PHACTR1: variants seen among roughly 807,000 people sequenced by gnomAD.
PHACTR1 encodes phosphatase and actin regulator 1, also known as RPEL repeat containing 1.
In PHACTR1, 16 loss-of-function variants were observed where a neutral mutation model predicts 69.2. That is an observed-to-expected ratio of 0.23 (90% confidence interval 0.16 to 0.35). The LOEUF is 0.35. Among genes scored for constraint, PHACTR1 ranks in the 10% least tolerant of loss-of-function variants. The pLI is 1.00. For missense variants in PHACTR1, 510 were observed against 734.7 expected (o/e 0.69, Z 3.54); for synonymous variants, 312 against 284.5 (o/e 1.10, Z -0.97).
At chr6:13,129,372 T>TA (rs1316168210) in intron 5 of PHACTR1, among the ~76,000 whole-genome samples, 14 of 152,012 alleles carry the variant, frequency 9.2e-5, no homozygotes, top group Admixed American at 3.9e-4. Flanking sequence ...GCAGAATGAA[T>TA]AAAAAAATCC....
At chr6:13,112,891 G>A (rs1817260801) in intron 5 of PHACTR1, among the ~76,000 whole-genome samples, 1 of 152,068 alleles carries the variant, frequency 6.6e-6, no homozygotes, top group Admixed American at 6.5e-5. Flanking sequence ...GATCCCATTT[G>A]TCAGTTTTTA....
At chr6:12,789,590 C>T (rs1390614816) in intron 4 of PHACTR1, among the ~76,000 whole-genome samples, 1 of 152,090 alleles carries the variant, frequency 6.6e-6, no homozygotes, top group Non-Finnish European at 1.5e-5. Context: ...TTGACATCCT[C>T]ACTCAAATGG....
intron 5 of PHACTR1, among the ~76,000 whole-genome samples, chr6:13,120,854 G>C (rs984558413): frequency 2.0e-5 from 3 of 152,214 alleles, no homozygotes; most frequent in Admixed American, 6.5e-5. Flanking sequence ...CTTTTACCCA[G>C]CATTGCAGTG....
At chr6:13,270,147 T>C (rs4605869) in intron 10 of PHACTR1, among the ~76,000 whole-genome samples, 64,969 of 152,126 alleles carry the variant, frequency 0.43, 16,920 homozygotes, top group Non-Finnish European at 0.6. Context: ...TGTGTTCAAA[T>C]AATTTGCTAA....
chr6:13,273,543 G>A (rs1224504518), intron 11 of PHACTR1: 2 of 152,078 alleles, frequency 1.3e-5, no homozygotes, highest in Non-Finnish European at 2.9e-5. Flanking sequence ...CCCTTGTTTG[G>A]TTTAGGACAC....
chr6:12,811,993 T>C (rs938122943), intron 4 of PHACTR1, among the ~76,000 whole-genome samples: 1 of 152,170 alleles, frequency 6.6e-6, no homozygotes, highest in African/African-American at 2.4e-5. Flanking sequence ...CTTTTTTTTT[T>C]TTATGAGGCA....
chr6:13,023,402 T>C (rs938965941), intron 4 of PHACTR1, among the ~76,000 whole-genome samples: 1 of 152,240 alleles, frequency 6.6e-6, no homozygotes, highest in African/African-American at 2.4e-5. Flanking sequence ...ATGTGAACTT[T>C]AGAACAATTG....
At chr6:12,797,963 C>T (rs539875746) in intron 4 of PHACTR1, among the ~76,000 whole-genome samples, 2 of 151,516 alleles carry the variant, frequency 1.3e-5, no homozygotes, top group African/African-American at 2.4e-5. Context: ...TGATACCTAC[C>T]GCTATTTAAC....
chr6:12,844,138 T>C (rs973304880), intron 4 of PHACTR1, among the ~76,000 whole-genome samples: 2 of 152,142 alleles, frequency 1.3e-5, no homozygotes, highest in African/African-American at 4.8e-5. Context: ...CTCATACCTA[T>C]AATCCCAGCA....
chr6:13,001,946 T>C (rs961291971), intron 4 of PHACTR1, among the ~76,000 whole-genome samples: 3 of 152,200 alleles, frequency 2.0e-5, no homozygotes, highest in Non-Finnish European at 4.4e-5. Flanking sequence ...TCAAATTGAT[T>C]TGGATTTGAA....
intron 4 of PHACTR1, among the ~76,000 whole-genome samples, chr6:12,936,920 T>A (rs1318693733): frequency 6.6e-6 from 1 of 152,228 alleles, no homozygotes; most frequent in Non-Finnish European, 1.5e-5. Flanking sequence ...CAGTCTTTTT[T>A]CTCATTGACT....
At chr6:12,937,816 C>T (rs1041827295) in intron 4 of PHACTR1, among the ~76,000 whole-genome samples, 1 of 152,138 alleles carries the variant, frequency 6.6e-6, no homozygotes, top group African/African-American at 2.4e-5. Context: ...AAAACAGAAT[C>T]CTGGCTGGGC....
At chr6:12,756,120 G>A (rs1767294589) in intron 4 of PHACTR1, among the ~76,000 whole-genome samples, 1 of 152,092 alleles carries the variant, frequency 6.6e-6, no homozygotes, top group African/African-American at 2.4e-5. Context: ...TTATGGAGTC[G>A]CTTTTTGACA....
intron 5 of PHACTR1, among the ~76,000 whole-genome samples, chr6:13,147,103 T>A (rs1472694287): frequency 6.6e-6 from 1 of 152,250 alleles, no homozygotes; most frequent in African/African-American, 2.4e-5. Context: ...AAGTGAAGGT[T>A]GTACGTGGGG....
chr6:12,940,137 C>T (rs564361954), intron 4 of PHACTR1, among the ~76,000 whole-genome samples: 4 of 152,290 alleles, frequency 2.6e-5, no homozygotes, highest in Non-Finnish European at 4.4e-5. Flanking sequence ...ACAGCCTCTG[C>T]GACACAATGG....
rs1409780289 is a variant in PHACTR1 at position 13,133,229 on chromosome 6, CCCT to C, written c.416-26973_416-26971del. Among the ~76,000 whole-genome samples, 53 of 54,360 alleles carry C rather than the reference CCCT, an allele frequency of 9.7e-4. 1 individual carries two copies. Among genetic ancestry groups the C allele is most frequent in the African/African-American group, 3.3e-3 (47 of 14,426 alleles). 35.7% of individuals were successfully genotyped at this position (54,360 alleles called of 152,430 possible). A position where few individuals can be genotyped will look rare whatever the true frequency, so the allele number is the denominator to read the frequency against. On this transcript the variant is annotated intron_variant, in intron 5 of 14. Coordinates refer to ENST00000332995, the MANE Select transcript of PHACTR1 (RefSeq NM_030948.6). ...CCCCTCCCCCTCCCCCTCCCCCTCCCCCTCTCCCTCTCCCTTTCCCTCTCCCTC... is the reference window on the plus strand; with the variant it reads ...CCCCTCCCCCTCCCCCTCCCCCTCCCCTCCCTCTCCCTTTCCCTCTCCCTC...
intron 4 of PHACTR1, among the ~76,000 whole-genome samples, chr6:12,835,526 T>A (rs1002343462): frequency 6.6e-6 from 1 of 152,182 alleles, no homozygotes; most frequent in Non-Finnish European, 1.5e-5. Context: ...TCATTCAAAA[T>A]TCAATAGTTT....
rs917784361 is a variant in PHACTR1, at chr6:13,089,311, TAC to T, written c.415+35786_415+35787del. Among the ~76,000 whole-genome samples the T allele has an allele frequency of 3.9e-5, 6 of 152,248 alleles. No homozygotes were observed. In the East Asian group the frequency reaches 9.7e-4, roughly 25 times the overall value. On this transcript the variant is annotated intron_variant, in intron 5 of 14. Transcript: ENST00000332995. ...GGGCAGAGAACCCAGGGGTCCTCAG[TAC>T]ACAGAGTGGGATTTCTGAGAGGGTG...
intron 3 of PHACTR1, among the ~76,000 whole-genome samples, chr6:12,719,728 T>C (rs1037808373): frequency 6.6e-5 from 10 of 152,182 alleles, no homozygotes; most frequent in African/African-American, 2.2e-4. Flanking sequence ...TCTTTCACTT[T>C]AGATGGTGAT....
Sources: gnomAD v4.1 joint callset for allele counts (sites outside exome capture counted in the v4.1 genomes callset) on GRCh38, gnomAD v4.1.1 for gene constraint, MANE v1.5 for transcripts, NCBI Gene and HGNC (gene_info 2026-07-23, HGNC 2026-07-21) for gene names.